The following BCAT1 variants were observed in gnomAD, a reference collection of about 807,000 sequenced individuals.
BCAT1 encodes the protein branched chain amino acid transaminase 1.
In BCAT1, 48 loss-of-function variants were observed where a neutral mutation model predicts 52.4. That is an observed-to-expected ratio of 0.92 (90% CI 0.73 to 1.16). The LOEUF (loss-of-function observed/expected upper bound fraction) is 1.16, where lower values mean the gene tolerates loss of function less well. BCAT1 is among the 50% of genes most tolerant of loss of function. The pLI is 0.00. For missense variants in BCAT1, 451 were observed against 457.1 expected (o/e 0.99, Z 0.12); for synonymous variants, 167 against 161.3 (o/e 1.04, Z -0.27).
intron 1 of BCAT1, among the ~76,000 whole-genome samples, chr12:24,906,995 T>G (rs1439975595): frequency 6.6e-6 from 1 of 152,182 alleles, no homozygotes; most frequent in Non-Finnish European, 1.5e-5. Flanking sequence ...CAAAAAACCT[T>G]CAAGGCTTCA....
At chr12:24,903,173 G>A (rs1470083390) in intron 1 of BCAT1, 4 of 1,219,582 alleles carry the variant, frequency 3.3e-6, no homozygotes, top group Non-Finnish European at 4.1e-6. Context: ...CATCCCTTGG[G>A]GAGGAGCCTC....
intron 3 of BCAT1, 29 bp downstream of exon 3, chr12:24,894,246 G>C: frequency 1.2e-6 from 2 of 1,602,286 alleles, no homozygotes; most frequent in Non-Finnish European, 1.7e-6. Context: ...GTGCAAGCAT[G>C]TCACTCTCTT....
chr12:24,853,560 T>C (rs1941578093), intron 5 of BCAT1, among the ~76,000 whole-genome samples: 1 of 152,196 alleles, frequency 6.6e-6, no homozygotes, highest in African/African-American at 2.4e-5. Flanking sequence ...CATATACCCA[T>C]GTAACAAACT....
At chr12:24,941,032 G>C (rs765830284) in intron 1 of BCAT1, among the ~76,000 whole-genome samples, 24 of 152,346 alleles carry the variant, frequency 1.6e-4, no homozygotes, top group Non-Finnish European at 3.1e-4. Context: ...AATTGGTTAA[G>C]ATTCCCAAAC....
chr12:24,899,272 CA>C (rs1943032486), intron 2 of BCAT1, among the ~76,000 whole-genome samples: 1 of 151,884 alleles, frequency 6.6e-6, no homozygotes, highest in South Asian at 2.1e-4. Context: ...AAGAGAGACC[CA>C]AAAGGCCATA....
At chr12:24,887,862 AACTTTCAGATATTAAAAATT>A (rs1167829173) in intron 3 of BCAT1, among the ~76,000 whole-genome samples, 1 of 152,218 alleles carries the variant, frequency 6.6e-6, no homozygotes, top group Non-Finnish European at 1.5e-5. Context: ...CACTATTTGA[AACTTTCAGATATTAAAAATT>A]ACTTTCAGAT....
chr12:24,902,915 C>A, intron 1 of BCAT1: 1 of 1,511,904 alleles, frequency 6.6e-7, no homozygotes, highest in Non-Finnish European at 8.8e-7. Context: ...TCCAATCCTC[C>A]CCCCTTCCGC....
chr12:24,846,888 T>A (rs916959284), intron 6 of BCAT1, among the ~76,000 whole-genome samples: 8 of 152,286 alleles, frequency 5.3e-5, no homozygotes, highest in African/African-American at 1.9e-4. Context: ...TTTCATTGAG[T>A]CATCTAAAAA....
At chr12:24,927,313 AAAAAG>A (rs956551193) in intron 1 of BCAT1, among the ~76,000 whole-genome samples, 5 of 152,194 alleles carry the variant, frequency 3.3e-5, no homozygotes, top group Non-Finnish European at 5.9e-5. Flanking sequence ...GTCTCGAAAA[AAAAAG>A]AAAAGAAAAG....
At chr12:24,902,918 C>G (rs939151414) in intron 1 of BCAT1, 15 of 1,511,756 alleles carry the variant, frequency 9.9e-6, no homozygotes, top group African/African-American at 4.3e-5. Context: ...AATCCTCCCC[C>G]CTTCCGCAAA....
chr12:24,825,741 A>G (rs1189780666), intron 10 of BCAT1, among the ~76,000 whole-genome samples: 1 of 151,882 alleles, frequency 6.6e-6, no homozygotes, highest in Non-Finnish European at 1.5e-5. Context: ...CTCCTTATAG[A>G]CTCTGGTTAT....
chr12:24,927,323 GA>G (rs1943605567), intron 1 of BCAT1, among the ~76,000 whole-genome samples: 1 of 151,574 alleles, frequency 6.6e-6, no homozygotes, highest in Admixed American at 6.6e-5. Flanking sequence ...AAAAAGAAAA[GA>G]AAAGAAAAGA....
At chr12:24,845,206 T>G (rs1258602307) in intron 6 of BCAT1, among the ~76,000 whole-genome samples, 8 of 148,138 alleles carry the variant, frequency 5.4e-5, no homozygotes, top group Non-Finnish European at 1.2e-4. Flanking sequence ...AGAGCGAGAC[T>G]GTCCCCTCCC....
At chr12:24,866,864 A>C (rs1942033731) in intron 5 of BCAT1, among the ~76,000 whole-genome samples, 1 of 152,104 alleles carries the variant, frequency 6.6e-6, no homozygotes, top group South Asian at 2.1e-4. Flanking sequence ...AGATAAGAGA[A>C]TAAAAGCAGG....
chr12:24,901,838 T>C lies in BCAT1; in HGVS notation c.54A>G (p.Ser18=). The C allele has an allele frequency of 1.2e-6, 2 of 1,614,032 alleles. No individual in the cohort carries two copies. Among genetic ancestry groups the C allele is most frequent in the East Asian group, 2.2e-5 (1 of 44,892 alleles). The change falls in exon 2 of 11, where the codon TCA becomes TCG. Residue 18 remains serine (S), a synonymous_variant. Coordinates refer to ENST00000261192, the MANE Select transcript of BCAT1 (RefSeq NM_005504.7). ...CSAECTGEGG[S]KEVVGTFKAK... ...CCTTAAAAGTCCCCACCACCTCTTT[T>C]GATCCTCCTTCTCCGGTACACTCTG...
At chr12:24,902,911 C>A (rs1286925314) in intron 1 of BCAT1, 1 of 1,512,750 alleles carries the variant, frequency 6.6e-7, no homozygotes, top group Admixed American at 2.0e-5. Context: ...GGGTTCCAAT[C>A]CTCCCCCCTT....
At chr12:24,868,535 G>A (rs184821755) in intron 5 of BCAT1, among the ~76,000 whole-genome samples, 9 of 152,296 alleles carry the variant, frequency 5.9e-5, no homozygotes, top group African/African-American at 2.2e-4. Context: ...ACTGTAATCA[G>A]TGAGGAAAGG....
intron 1 of BCAT1, among the ~76,000 whole-genome samples, chr12:24,927,626 G>A (rs1943611342): frequency 6.6e-6 from 1 of 152,174 alleles, no homozygotes; most frequent in Non-Finnish European, 1.5e-5. Flanking sequence ...CAGTAGAGAA[G>A]GAACTAACTC....
intron 1 of BCAT1, among the ~76,000 whole-genome samples, chr12:24,935,997 C>T (rs748889275): frequency 6.6e-6 from 1 of 152,184 alleles, no homozygotes; most frequent in Non-Finnish European, 1.5e-5. Flanking sequence ...AAGTCCTCAC[C>T]AGCAGCGCCT....
Sources: allele counts gnomAD v4.1 joint callset (sites outside exome capture counted in the v4.1 genomes callset), GRCh38; gene constraint gnomAD v4.1.1; transcripts MANE v1.5; gene names NCBI Gene and HGNC (gene_info 2026-07-23, HGNC 2026-07-21).